The following MTSS1 variants were observed in gnomAD, a reference collection of about 807,000 sequenced individuals.
MTSS1 encodes MTSS I-BAR domain containing 1.
In MTSS1, 18 loss-of-function variants were observed where a neutral mutation model predicts 79.0. The ratio of observed to expected loss-of-function variants is 0.23; its 90% CI spans 0.16 to 0.34. The LOEUF (loss-of-function observed/expected upper bound fraction) is 0.34, where lower values mean the gene tolerates loss of function less well. Ranked by LOEUF, MTSS1 falls within the 10% of genes least tolerant of loss-of-function variation. The pLI, the probability that MTSS1 is intolerant of heterozygous loss-of-function variation, is 1.00. For synonymous variants in MTSS1, 341 were observed against 368.6 expected, an observed-to-expected ratio of 0.93 and a Z score of 0.86; for missense variants, 815 against 986.2, an observed-to-expected ratio of 0.83 and a Z score of 2.33.
intron 3 of MTSS1, among the ~76,000 whole-genome samples, chr8:124,617,598 A>G (rs1389422258): frequency 1.3e-5 from 2 of 152,136 alleles, no homozygotes; most frequent in East Asian, 3.8e-4. Flanking sequence ...GATGTTTCAC[A>G]GGGCGAGAGG....
chr8:124,671,300 G>A (rs748833124), intron 3 of MTSS1, among the ~76,000 whole-genome samples: 20 of 151,878 alleles, frequency 1.3e-4, no homozygotes, highest in South Asian at 2.1e-4. Context: ...TTCTACCCCC[G>A]TTCTCCACTC....
intron 1 of MTSS1, among the ~76,000 whole-genome samples, chr8:124,718,205 T>C (rs1832384031): frequency 6.6e-6 from 1 of 151,890 alleles, no homozygotes; most frequent in African/African-American, 2.4e-5. Flanking sequence ...TTTACGTTAC[T>C]TACATAATCT....
rs1831590273 is a variant in MTSS1, at chr8:124,714,266, CA to C, written c.73-10076del. On this transcript the variant is annotated intron_variant, in intron 1 of 13. Transcript: ENST00000518547. ...TGTATTCGAGAGTACAGAGGTCTTT[CA>C]AAACACCACTGAAAGGGCAGCTGGT... is the stretch of plus-strand genomic sequence containing the variant. Among the ~76,000 whole-genome samples the C allele has an allele frequency of 3.3e-5, 5 of 152,310 alleles. No individual in the cohort carries two copies. The South Asian group carries it at 1.0e-3, about 32-fold the overall frequency.
At chr8:124,647,901 C>A (rs1248007333) in intron 3 of MTSS1, among the ~76,000 whole-genome samples, 2 of 152,210 alleles carry the variant, frequency 1.3e-5, no homozygotes, top group African/African-American at 4.8e-5. Flanking sequence ...GCTGTGTGAT[C>A]CAACCCATCA....
At chr8:124,700,485 G>A (rs547258165) in intron 2 of MTSS1, among the ~76,000 whole-genome samples, 1 of 152,248 alleles carries the variant, frequency 6.6e-6, no homozygotes, top group Non-Finnish European at 1.5e-5. Context: ...CAAGATCCTG[G>A]CAGTGTGACT....
chr8:124,594,006 G>A (rs1249894145), intron 3 of MTSS1, among the ~76,000 whole-genome samples: 1 of 152,202 alleles, frequency 6.6e-6, no homozygotes, highest in South Asian at 2.1e-4. Flanking sequence ...CAGGGATTGC[G>A]CTCCATCCTT....
At chr8:124,558,684 G>A in intron 10 of MTSS1, 2 of 1,513,934 alleles carry the variant, frequency 1.3e-6, no homozygotes, top group Non-Finnish European at 8.8e-7. Context: ...GGAGAGTGGG[G>A]CCGCTGTGGC....
chr8:124,574,810 G>C (rs1053756491), intron 6 of MTSS1, among the ~76,000 whole-genome samples: 3 of 152,190 alleles, frequency 2.0e-5, no homozygotes, highest in Non-Finnish European at 4.4e-5. Context: ...GAGGTGTATG[G>C]AGAAGCCATT....
chr8:124,589,592 T>A (rs2132646982), intron 5 of MTSS1, 28 bp downstream of exon 5: 1 of 1,574,212 alleles, frequency 6.4e-7, no homozygotes, highest in Admixed American at 1.8e-5. Flanking sequence ...CAGCGTGCAG[T>A]GATGCGCTAG....
chr8:124,686,449 G>T (rs1410276289), intron 3 of MTSS1, among the ~76,000 whole-genome samples: 1 of 152,200 alleles, frequency 6.6e-6, no homozygotes, highest in African/African-American at 2.4e-5. Flanking sequence ...CAACTTGGCA[G>T]AGTAGTTGTT....
chr8:124,610,634 A>G (rs75211275), intron 3 of MTSS1, among the ~76,000 whole-genome samples: 2,633 of 152,298 alleles, frequency 0.017, 71 homozygotes, highest in African/African-American at 0.059. Context: ...CCAAATAGTC[A>G]TCTGGACTCA....
chr8:124,654,007 A>C (rs1427924972), intron 3 of MTSS1, among the ~76,000 whole-genome samples: 2 of 152,178 alleles, frequency 1.3e-5, no homozygotes, highest in African/African-American at 4.8e-5. Flanking sequence ...TCCATCACAG[A>C]GAAGTTACAG....
intron 6 of MTSS1, among the ~76,000 whole-genome samples, chr8:124,584,222 G>T (rs992026919): frequency 6.6e-6 from 1 of 152,136 alleles, no homozygotes; most frequent in Non-Finnish European, 1.5e-5. Flanking sequence ...ATTCAGGCTG[G>T]GGGATCCCAA....
rs1370557924 is a variant in MTSS1 at position 124,550,899 on chromosome 8, A to G, written c.*2093T>C. 1 of 152,676 alleles carries G rather than the reference A, an allele frequency of 6.5e-6. No individual in the cohort carries two copies. Among genetic ancestry groups the G allele is most frequent in the Non-Finnish European group, 1.5e-5 (1 of 68,040 alleles). The allele number at this position is 152,676 out of a possible 1,614,324, so 9.5% of individuals were successfully genotyped here. A position where few individuals can be genotyped will look rare whatever the true frequency, so the allele number is the denominator to read the frequency against. ...ACAAGTTTAGAACAAAAAACTGCAC[A>G]GGGAGAGGTCAACTCTCAGTACAAA... On this transcript the variant is annotated 3_prime_UTR_variant, in exon 14 of 14. Transcript: ENST00000518547.
intron 3 of MTSS1, among the ~76,000 whole-genome samples, chr8:124,653,331 T>C (rs1269685659): frequency 1.3e-5 from 2 of 152,254 alleles, no homozygotes; most frequent in African/African-American, 4.8e-5. Flanking sequence ...TGAAATAAAA[T>C]AGTTAGCTAA....
intron 3 of MTSS1, among the ~76,000 whole-genome samples, chr8:124,638,596 C>T (rs1817462518): frequency 6.6e-6 from 1 of 152,214 alleles, no homozygotes; most frequent in South Asian, 2.1e-4. Flanking sequence ...GACACCTGCT[C>T]TCCCCACATT....
chr8:124,618,121 C>G (rs1290905950), intron 3 of MTSS1, among the ~76,000 whole-genome samples: 1 of 152,116 alleles, frequency 6.6e-6, no homozygotes, highest in Non-Finnish European at 1.5e-5. Flanking sequence ...AGGAACCTGC[C>G]TGGGGTCACA....
At chr8:124,647,660 G>T (rs1040913636) in intron 3 of MTSS1, among the ~76,000 whole-genome samples, 2 of 152,224 alleles carry the variant, frequency 1.3e-5, no homozygotes, top group East Asian at 3.9e-4. Context: ...TCATGTTTTA[G>T]CTCATTTCAA....
chr8:124,727,478 C>A lies in MTSS1; in HGVS notation c.72+406G>T. 2.2e-6 allele frequency: 1 copy of A among 448,298 alleles called. No individual in the cohort carries two copies. Among genetic ancestry groups the A allele is most frequent in the Non-Finnish European group, 4.5e-6 (1 of 224,128 alleles). 27.8% of individuals were successfully genotyped at this position (448,298 alleles called of 1,614,324 possible). On this transcript the variant is annotated intron_variant, in intron 1 of 13. Transcript: ENST00000518547. This position sits in a 1 kb window ranked among gnomAD's most constrained non-coding sequence, Gnocchi z 4.7. ...CAGAGCCCCCACTTCCTCCCCACCA[C>A]CGCGCCAGGCGCCCCCACCCCGTGC...
Sources: allele counts gnomAD v4.1 joint callset (sites outside exome capture counted in the v4.1 genomes callset), GRCh38; gene constraint gnomAD v4.1.1; non-coding constraint Gnocchi (gnomAD v3.1); transcripts MANE v1.5; gene names NCBI Gene and HGNC (gene_info 2026-07-23, HGNC 2026-07-21).